SRGAP3: variants seen among roughly 807,000 people sequenced by gnomAD.
SRGAP3 encodes the protein SLIT-ROBO Rho GTPase-activating protein 3.
Under a neutral mutation model 121.1 loss-of-function variants are expected in SRGAP3, and 39 were observed. That is an observed-to-expected ratio of 0.32 (90% CI 0.25 to 0.42). SRGAP3 has a LOEUF of 0.42. Ranked by LOEUF, SRGAP3 falls within the 10% of genes least tolerant of loss-of-function variation. The pLI is 1.00. For synonymous variants in SRGAP3, 601 were observed against 570.0 expected, an observed-to-expected ratio of 1.05 and a Z score of -0.77; for missense variants, 1,213 against 1,470.6, an observed-to-expected ratio of 0.82 and a Z score of 2.86.
intron 17 of SRGAP3, among the ~76,000 whole-genome samples, chr3:9,010,707 C>T (rs935817122): frequency 1.3e-5 from 2 of 152,178 alleles, no homozygotes; most frequent in African/African-American, 4.8e-5. Context: ...AAAACCCCAG[C>T]ATTTATAATC....
At chr3:9,027,571 A>C (rs1022384530) in intron 12 of SRGAP3, among the ~76,000 whole-genome samples, 1 of 152,226 alleles carries the variant, frequency 6.6e-6, no homozygotes, top group Non-Finnish European at 1.5e-5. Context: ...TGTCACAGGG[A>C]AAAGCTCTAG....
intron 1 of SRGAP3, among the ~76,000 whole-genome samples, chr3:9,214,540 A>G (rs937455471): frequency 1.3e-5 from 2 of 152,234 alleles, no homozygotes; most frequent in Non-Finnish European, 2.9e-5. Flanking sequence ...TAAACAGCAA[A>G]GCAGTTACTT....
chr3:9,354,762 C>T (rs146815838), intron 1 of SRGAP3, among the ~76,000 whole-genome samples: 1 of 151,682 alleles, frequency 6.6e-6, no homozygotes, highest in Non-Finnish European at 1.5e-5. Context: ...TGGGAACAAG[C>T]ACCACTGAGC....
rs115083545 is a variant in SRGAP3, at chr3:9,059,788, G to A, written c.801+443C>T. On this transcript the variant is annotated intron_variant, in intron 6 of 21. Coordinates refer to ENST00000383836, the MANE Select transcript of SRGAP3 (RefSeq NM_014850.4). ...CTGTATAATTAAGTCTGTCTCATTC[G>A]CTACTTTCTTTCGCATGTACACGTG... 728 of 272,576 alleles carry A rather than the reference G, an allele frequency of 2.7e-3. 4 individuals are homozygous for A. The highest frequency in any genetic ancestry group is 0.015 in the African/African-American group (668 of 45,504). The allele number at this position is 272,576 out of a possible 1,614,324, so 16.9% of individuals were successfully genotyped here.
In SRGAP3 at chr3:9,249,505, G is replaced by C. The variant is rs900898620; in HGVS notation, c.-554C>G. 2 of 243,268 alleles carry C rather than the reference G, an allele frequency of 8.2e-6. No homozygotes were observed. The highest frequency in any genetic ancestry group is 2.2e-5 in the African/African-American group (1 of 45,428). 15.1% of individuals were successfully genotyped at this position (243,268 alleles called of 1,614,324 possible). ...GAAGGCTCTGCTAAGTCGATGGTCA[G>C]GTTGCCAAAGGGCCGGTCATCTCGC... On this transcript the variant is annotated 5_prime_UTR_variant, in exon 1 of 22. Transcript: ENST00000383836.
chr3:9,187,329 G>A (rs1372100281), intron 1 of SRGAP3, among the ~76,000 whole-genome samples: 3 of 152,158 alleles, frequency 2.0e-5, no homozygotes, highest in Non-Finnish European at 4.4e-5. Context: ...ACAGTCAGTG[G>A]ACTAACTGAG....
At chr3:9,141,161 C>T (rs1329418919) in intron 1 of SRGAP3, among the ~76,000 whole-genome samples, 3 of 152,184 alleles carry the variant, frequency 2.0e-5, no homozygotes, top group Non-Finnish European at 4.4e-5. Context: ...CCAGAGCAGG[C>T]CAGCCCCCAC....
intron 14 of SRGAP3, among the ~76,000 whole-genome samples, chr3:9,022,529 G>C (rs35653265): frequency 0.21 from 31,808 of 152,156 alleles, 3,518 homozygotes; most frequent in Non-Finnish European, 0.25. Context: ...CCAGGAAGAG[G>C]GAAGACCTTA....
intron 1 of SRGAP3, among the ~76,000 whole-genome samples, chr3:9,224,549 A>G (rs1298129420): frequency 6.6e-6 from 1 of 152,224 alleles, no homozygotes; most frequent in African/African-American, 2.4e-5. Flanking sequence ...CAAAATTGCC[A>G]CAATTCACAA....
chr3:9,003,981 T>A (rs1043137200), intron 18 of SRGAP3, among the ~76,000 whole-genome samples: 2 of 152,150 alleles, frequency 1.3e-5, no homozygotes, highest in Non-Finnish European at 2.9e-5. Flanking sequence ...TATAATCTTA[T>A]ATATTAAAAA....
chr3:9,258,815 C>G (rs889210332), intron 3 of SRGAP3, among the ~76,000 whole-genome samples: 18 of 152,200 alleles, frequency 1.2e-4, no homozygotes, highest in Non-Finnish European at 2.1e-4. Flanking sequence ...ACCTGAACAG[C>G]TTTAGAGCTC....
At chr3:9,065,500 C>G (rs190366765) in intron 4 of SRGAP3, 17 of 152,240 alleles carry the variant, frequency 1.1e-4, no homozygotes, top group African/African-American at 4.1e-4. Flanking sequence ...CAGCCAATCC[C>G]TGACCCCACC....
At chr3:9,037,277 AG>A (rs1944792304) in intron 11 of SRGAP3, 1 of 152,218 alleles carries the variant, frequency 6.6e-6, no homozygotes, top group South Asian at 2.1e-4. Context: ...CCAGCTAGGC[AG>A]TGCAATATCT....
chr3:9,313,669 T>C (rs1248070826), intron 3 of SRGAP3, among the ~76,000 whole-genome samples: 1 of 150,406 alleles, frequency 6.6e-6, no homozygotes, highest in East Asian at 2.0e-4. Context: ...AGAGCAAGAC[T>C]CTATGTCTTA....
At chr3:9,096,305 T>C (rs1243486547) in intron 3 of SRGAP3, among the ~76,000 whole-genome samples, 1 of 152,202 alleles carries the variant, frequency 6.6e-6, no homozygotes, top group Non-Finnish European at 1.5e-5. Flanking sequence ...GCATCACTTA[T>C]CAAAACTTCT....
intron 3 of SRGAP3, among the ~76,000 whole-genome samples, chr3:9,095,801 C>T (rs917262196): frequency 6.6e-6 from 1 of 152,272 alleles, no homozygotes. Flanking sequence ...GGTACAGTGG[C>T]TCATGCCTAT....
intron 1 of SRGAP3, among the ~76,000 whole-genome samples, chr3:9,248,437 G>C (rs1379747086): frequency 6.6e-6 from 1 of 152,074 alleles, no homozygotes; most frequent in Non-Finnish European, 1.5e-5. Context: ...AGAGGCGGAG[G>C]CAAAACCACC....
intron 3 of SRGAP3, among the ~76,000 whole-genome samples, chr3:9,294,997 G>C (rs1465417452): frequency 6.6e-6 from 1 of 152,126 alleles, no homozygotes; most frequent in African/African-American, 2.4e-5. Flanking sequence ...GAAACTCCTA[G>C]GAAATCTTTT....
At chr3:8,996,115 TAAATG>T (rs1361832215) in intron 18 of SRGAP3, among the ~76,000 whole-genome samples, 1 of 152,210 alleles carries the variant, frequency 6.6e-6, no homozygotes. Context: ...CCTCATCTGT[TAAATG>T]GAAATGGTAA....
Sources: gnomAD v4.1 joint callset for allele counts (sites outside exome capture counted in the v4.1 genomes callset) on GRCh38, gnomAD v4.1.1 for gene constraint, MANE v1.5 for transcripts, NCBI Gene and HGNC (gene_info 2026-07-23, HGNC 2026-07-21) for gene names.